BRWD1: variants seen among roughly 807,000 people sequenced by gnomAD.
The protein encoded by BRWD1 is bromodomain and WD repeat-containing protein 1.
BRWD1 carries 82 observed loss-of-function variants against 251.2 expected under a neutral mutation model. The ratio of observed to expected loss-of-function variants is 0.33; its 90% CI spans 0.27 to 0.39. The LOEUF (loss-of-function observed/expected upper bound fraction) is 0.39. Ranked by LOEUF, BRWD1 falls within the 10% of genes least tolerant of loss-of-function variation. The probability of loss-of-function intolerance (pLI) is 1.00; values close to 1 mark genes in which losing one functional copy is unlikely to be tolerated. For synonymous variants in BRWD1, 918 were observed against 902.8 expected (o/e 1.02, Z -0.30); for missense variants, 2,233 against 2,711.6 (o/e 0.82, Z 3.92).
At chr21:39,246,392 A>G (rs1173165145) in intron 21 of BRWD1, among the ~76,000 whole-genome samples, 1 of 152,236 alleles carries the variant, frequency 6.6e-6, no homozygotes, top group African/African-American at 2.4e-5. Flanking sequence ...GAGAAACTGG[A>G]ACTCTCATAT....
chr21:39,212,436 G>T (rs1023532500), intron 34 of BRWD1, among the ~76,000 whole-genome samples: 1 of 152,082 alleles, frequency 6.6e-6, no homozygotes, highest in South Asian at 2.1e-4. Flanking sequence ...TGTCTTTCCT[G>T]TGGTAGCCTC....
chr21:39,281,366 A>C (rs1262178161), intron 8 of BRWD1, among the ~76,000 whole-genome samples: 1 of 152,174 alleles, frequency 6.6e-6, no homozygotes, highest in African/African-American at 2.4e-5. Context: ...TCCCCCTAGA[A>C]TGGGGAGGAA....
chr21:39,257,578 CAGTT>C (rs1022700129), intron 18 of BRWD1, among the ~76,000 whole-genome samples: 4 of 151,270 alleles, frequency 2.6e-5, no homozygotes, highest in African/African-American at 9.7e-5. Context: ...TGAGGAAGGA[CAGTT>C]AGTTATTGGG....
Position 39,190,241 on chromosome 21 carries a change from T to TTAC in BRWD1, c.*6017_*6018insGTA. On this transcript the variant is annotated 3_prime_UTR_variant, in exon 41 of 41. Transcript: ENST00000342449. ...ATATTCTAATTAGACTTTTTTTTAA[T>TTAC]TTTTAAGCTACCTTATTTACAGATT... 1.2e-6 allele frequency: 1 copy of TTAC among 853,226 alleles called. No homozygotes were observed. The highest frequency in any genetic ancestry group is 1.4e-6 in the Non-Finnish European group (1 of 719,776). The allele number at this position is 853,226 out of a possible 1,614,324, so 52.9% of individuals were successfully genotyped here.
chr21:39,218,732 C>A, intron 29 of BRWD1, 72 bp from the exon 30 acceptor site: 2 of 1,226,768 alleles, frequency 1.6e-6, no homozygotes, highest in South Asian at 1.9e-5. Flanking sequence ...TATTAAAATT[C>A]AATTTTCATA....
At chr21:39,210,972 T>C (rs372100346) in intron 34 of BRWD1, 43 bp from the exon 35 acceptor site, 6 of 1,557,436 alleles carry the variant, frequency 3.9e-6, no homozygotes, top group Non-Finnish European at 5.2e-6. Context: ...ACACTATTGG[T>C]GTAAGACTGT....
In BRWD1 at chr21:39,264,973, T is replaced by C. The variant is rs755719258; in HGVS notation, c.1577A>G (p.Gln526Arg). Reference protein sequence around the residue: ...HGAVFDCKFSQDGQHFACTDS... With the variant: ...HGAVFDCKFSRDGQHFACTDS... ...TGTACAGGCAAAATGCTGTCCATCC[T>C]GTGAAAACTTACAGTCAAACACAGC... The change falls in exon 16 of 41, where the codon CAG (glutamine) becomes CGG (arginine). Residue 526 changes from glutamine (Q) to arginine (R), a missense_variant. Transcript: ENST00000342449. 6.2e-7 allele frequency: 1 copy of C among 1,613,994 alleles called. No homozygotes were observed. Among genetic ancestry groups the C allele is most frequent in the Non-Finnish European group, 8.5e-7 (1 of 1,179,904 alleles).
chr21:39,256,277 A>C (rs2034559994), intron 18 of BRWD1, among the ~76,000 whole-genome samples: 1 of 152,248 alleles, frequency 6.6e-6, no homozygotes, highest in African/African-American at 2.4e-5. Context: ...CCTTCTTAAA[A>C]ATTGCACACT....
rs1216975304 is a variant in BRWD1 at position 39,255,900 on chromosome 21, C to A, written c.2072-72G>T. 3.7e-6 allele frequency: 5 copies of A among 1,358,318 alleles called. No homozygotes were observed. The Admixed American group carries it at 9.6e-5, about 26-fold the overall frequency. 84.1% of individuals were successfully genotyped at this position (1,358,318 alleles called of 1,614,324 possible). On this transcript the variant is annotated intron_variant, in intron 18 of 40. Coordinates refer to ENST00000342449, the MANE Select transcript of BRWD1 (RefSeq NM_033656.4). Reference sequence around the variant, plus strand: ...ATATACATTTAGCATGTAACAAGCACACGTTCACCTAAGATGCGCACCAAA... The same window carrying A: ...ATATACATTTAGCATGTAACAAGCAAACGTTCACCTAAGATGCGCACCAAA...
At chr21:39,318,387 A>G (rs1222319828), upstream of BRWD1, among the ~76,000 whole-genome samples, 1 of 152,184 alleles carries the variant, frequency 6.6e-6, no homozygotes, top group East Asian at 1.9e-4. Context: ...AAAGCCTAAT[A>G]TTAGTTTTAA....
intron 29 of BRWD1, among the ~76,000 whole-genome samples, chr21:39,223,192 T>G (rs1463252207): frequency 2.0e-5 from 3 of 152,218 alleles, no homozygotes; most frequent in African/African-American, 7.2e-5. Context: ...TTCCTGATTT[T>G]GATCACTGCA....
At chr21:39,288,604 TTC>T (rs1336011311) in intron 8 of BRWD1, among the ~76,000 whole-genome samples, 3 of 152,206 alleles carry the variant, frequency 2.0e-5, no homozygotes, top group Admixed American at 6.5e-5. Flanking sequence ...CACACGTAAC[TTC>T]TGACTCCCAA....
At chr21:39,247,936 GA>G (rs1187846742) in intron 20 of BRWD1, 104 bp from the exon 21 acceptor site, 17 of 1,279,024 alleles carry the variant, frequency 1.3e-5, no homozygotes, top group South Asian at 4.0e-5. Flanking sequence ...AAAGCAAAAA[GA>G]AAAAAAGGCT....
At chr21:39,223,325 G>C (rs2033255330) in intron 29 of BRWD1, among the ~76,000 whole-genome samples, 1 of 152,034 alleles carries the variant, frequency 6.6e-6, no homozygotes, top group Non-Finnish European at 1.5e-5. Context: ...ATAAAAAATG[G>C]AGAGTACATA....
chr21:39,252,084 T>C (rs1057241511), intron 19 of BRWD1, among the ~76,000 whole-genome samples: 2 of 151,752 alleles, frequency 1.3e-5, no homozygotes, highest in Admixed American at 6.6e-5. Context: ...CTGGCCAACA[T>C]GATGAAACCC....
rs1221440477 is a variant in BRWD1, at chr21:39,313,427, C to A, written c.49+16G>T. The A allele has an allele frequency of 7.0e-7, 1 of 1,426,850 alleles. No homozygotes were observed. 88.4% of individuals were successfully genotyped at this position (1,426,850 alleles called of 1,614,324 possible). On this transcript the variant is annotated intron_variant, in intron 1 of 40. Coordinates refer to ENST00000342449, the MANE Select transcript of BRWD1 (RefSeq NM_033656.4). The stretch of plus-strand genomic sequence containing the variant: ...CGGGAGCGCCAGGGCGGGGGTGGCA[C>A]GGCCTCGCGTCTTACCCGACTCGAT...
intron 8 of BRWD1, among the ~76,000 whole-genome samples, chr21:39,286,191 T>C (rs1054011466): frequency 3.2e-4 from 49 of 151,938 alleles, no homozygotes; most frequent in Non-Finnish European, 2.8e-4. Flanking sequence ...ATGTTGTTTT[T>C]ATATTATTAG....
Position 39,193,313 on chromosome 21 carries a change from A to G in BRWD1, c.*2946T>C. On this transcript the variant is annotated 3_prime_UTR_variant, in exon 41 of 41. Coordinates refer to ENST00000342449, the MANE Select transcript of BRWD1 (RefSeq NM_033656.4). ...GAAATGATTTAATCAGATATTTGCCACTTACAAAAAGGGAGGCTGACCTTA... is the reference window on the plus strand; with the variant it reads ...GAAATGATTTAATCAGATATTTGCCGCTTACAAAAAGGGAGGCTGACCTTA... 1.0e-6 allele frequency: 1 copy of G among 985,166 alleles called. No individual in the cohort carries two copies. The highest frequency in any genetic ancestry group is 1.2e-6 in the Non-Finnish European group (1 of 829,726). The allele number at this position is 985,166 out of a possible 1,614,324, so 61.0% of individuals were successfully genotyped here. A position where few individuals can be genotyped will look rare whatever the true frequency, so the allele number is the denominator to read the frequency against.
Position 39,313,567 on chromosome 21 carries a change from G to A in BRWD1, c.-76C>T, listed in dbSNP as rs1030227130. On this transcript the variant is annotated 5_prime_UTR_variant, in exon 1 of 41. Coordinates refer to ENST00000342449, the MANE Select transcript of BRWD1 (RefSeq NM_033656.4). ...GGCCGCGCCGAGGCCTGACCGGGCTGGCGTCCCCTCTTCTCAGGCGCGCGC... is the reference window on the plus strand; with the variant it reads ...GGCCGCGCCGAGGCCTGACCGGGCTAGCGTCCCCTCTTCTCAGGCGCGCGC... 4.9e-6 allele frequency: 6 copies of A among 1,216,142 alleles called. No homozygotes were observed. Among genetic ancestry groups the A allele is most frequent in the African/African-American group, 1.6e-5 (1 of 60,614 alleles). 75.3% of individuals were successfully genotyped at this position (1,216,142 alleles called of 1,614,324 possible).
Sources: gnomAD v4.1 joint callset for allele counts (sites outside exome capture counted in the v4.1 genomes callset) on GRCh38, gnomAD v4.1.1 for gene constraint, MANE v1.5 for transcripts, NCBI Gene and HGNC (gene_info 2026-07-23, HGNC 2026-07-21) for gene names.